The following VTI1B variants were observed in gnomAD, a reference collection of about 807,000 sequenced individuals.
VTI1B encodes the protein vesicle transport through interaction with t-SNAREs homolog 1B.
A neutral mutation model predicts 28.6 loss-of-function variants in VTI1B; 18 were observed. The ratio of observed to expected loss-of-function variants is 0.63; its 90% CI spans 0.43 to 0.93. The LOEUF (loss-of-function observed/expected upper bound fraction) is 0.93, where lower values mean the gene tolerates loss of function less well. VTI1B is among the 40% of genes least tolerant of loss of function. The pLI is 0.00. For missense variants in VTI1B, 283 were observed against 297.0 expected, an observed-to-expected ratio of 0.95 and a Z score of 0.35; for synonymous variants, 100 against 107.9, an observed-to-expected ratio of 0.93 and a Z score of 0.46.
Position 67,651,284 on chromosome 14 carries a change from C to T in VTI1B, c.*101G>A. The T allele has an allele frequency of 1.3e-6, 2 of 1,597,898 alleles. No homozygotes were observed. The highest frequency in any genetic ancestry group is 1.7e-6 in the Non-Finnish European group (2 of 1,172,392). The stretch of plus-strand genomic sequence containing the variant: ...CCTGGCTATACAGTGCATCCTTGAA[C>T]TGTCAGCCCACAGCAGCAATATGCT... On this transcript the variant is annotated 3_prime_UTR_variant, in exon 6 of 6. Transcript: ENST00000554659.
rs776001912 is a variant in VTI1B at position 67,674,340 on chromosome 14, T to TGCGCTCCCCACGGCGTG, written c.115+18_115+34dup. 23 of 1,543,114 alleles carry TGCGCTCCCCACGGCGTG rather than the reference T, an allele frequency of 1.5e-5. No individual in the cohort carries two copies. In the East Asian group the frequency reaches 5.0e-4, roughly 34 times the overall value. On this transcript the variant is annotated intron_variant, in intron 1 of 5. Transcript: ENST00000554659. ...ATCTTCCTTCCAAAGCGCGCAGGGCTGCGCTCCCCACGGCGTGGCCCACCC... is the reference window on the plus strand; with the variant it reads ...ATCTTCCTTCCAAAGCGCGCAGGGCTGCGCTCCCCACGGCGTGGCGCTCCCCACGGCGTGGCCCACCC...
At position 67,674,589 on chromosome 14, in the gene VTI1B, C is replaced by T. The variant is rs2037511367; in HGVS notation, c.-100G>A. ...CCCAGCCCAGTGGCCATAACGGCGACCGCCGCACCACCGCCGCCCAGGACG... is the reference window on the plus strand; with the variant it reads ...CCCAGCCCAGTGGCCATAACGGCGATCGCCGCACCACCGCCGCCCAGGACG... On this transcript the variant is annotated 5_prime_UTR_variant, in exon 1 of 6. Coordinates refer to ENST00000554659, the MANE Select transcript of VTI1B (RefSeq NM_006370.3). 4.1e-6 allele frequency: 4 copies of T among 976,728 alleles called. No homozygotes were observed. The highest frequency in any genetic ancestry group is 5.6e-6 in the Non-Finnish European group (4 of 712,382). The allele number at this position is 976,728 out of a possible 1,614,324, so 60.5% of individuals were successfully genotyped here. A position where few individuals can be genotyped will look rare whatever the true frequency, so the allele number is the denominator to read the frequency against.
chr14:67,670,206 C>T lies in VTI1B; in HGVS notation c.115+4169G>A, dbSNP rs375881240. ...CTTGTCCTGTCTAGCCATTAATGCC[C>T]TCCTTCTAAAAGAAAATCCACATCA... is the stretch of plus-strand genomic sequence containing the variant. On this transcript the variant is annotated intron_variant, in intron 1 of 5. Transcript: ENST00000554659. Among the ~76,000 whole-genome samples, 46 of 152,334 alleles carry T rather than the reference C, an allele frequency of 3.0e-4. 1 individual carries two copies. The highest frequency in any genetic ancestry group is 1.1e-3 in the African/African-American group (45 of 41,572).
chr14:67,670,124 G>T (rs1374325617), intron 1 of VTI1B, among the ~76,000 whole-genome samples: 1 of 152,130 alleles, frequency 6.6e-6, no homozygotes, highest in East Asian at 1.9e-4. Flanking sequence ...CGTTAGCAAG[G>T]TGACTGCCCA....
chr14:67,661,635 T>C lies in VTI1B; in HGVS notation c.174+842A>G, dbSNP rs2037336449. Among the ~76,000 whole-genome samples, 9 of 149,336 alleles carry C rather than the reference T, an allele frequency of 6.0e-5. No homozygotes were observed. In the South Asian group the frequency reaches 1.9e-3, roughly 32 times the overall value. On this transcript the variant is annotated intron_variant, in intron 2 of 5. Coordinates refer to ENST00000554659, the MANE Select transcript of VTI1B (RefSeq NM_006370.3). ...ACATGCTTGACCTCCCAGGCTGAAG[T>C]GATCTCCCACCTCAGCCTCCTGAGT... is the stretch of plus-strand genomic sequence containing the variant.
In VTI1B at chr14:67,651,072, T is replaced by G. The variant is rs944192063; in HGVS notation, c.*313A>C. On this transcript the variant is annotated 3_prime_UTR_variant, in exon 6 of 6. Coordinates refer to ENST00000554659, the MANE Select transcript of VTI1B (RefSeq NM_006370.3). Reference sequence around the variant, plus strand: ...CAATTGTAAAGTTTCCCCTCTATTTTGGTGACCAATACTACTGTAAATGTA... The same window carrying G: ...CAATTGTAAAGTTTCCCCTCTATTTGGGTGACCAATACTACTGTAAATGTA... 7.0e-6 allele frequency: 7 copies of G among 1,000,414 alleles called. No individual in the cohort carries two copies. The highest frequency in any genetic ancestry group is 8.8e-6 in the Non-Finnish European group (6 of 681,756). The allele number at this position is 1,000,414 out of a possible 1,614,324, so 62.0% of individuals were successfully genotyped here.
chr14:67,660,317 GC>G (rs1328679053), intron 2 of VTI1B: 1 of 156,570 alleles, frequency 6.4e-6, no homozygotes, highest in African/African-American at 2.4e-5. Flanking sequence ...AGGCACAGTG[GC>G]TCAAACCTGT....
At chr14:67,654,752 G>A (rs564435714) in intron 4 of VTI1B, among the ~76,000 whole-genome samples, 63 of 152,126 alleles carry the variant, frequency 4.1e-4, no homozygotes, top group African/African-American at 1.2e-3. Flanking sequence ...AATTTTGCCC[G>A]GGCGCAGTGG....
chr14:67,674,288 G>A (rs775264470), intron 1 of VTI1B, 87 bp downstream of exon 1: 6 of 1,266,416 alleles, frequency 4.7e-6, no homozygotes, highest in Non-Finnish European at 6.3e-6. Flanking sequence ...GGAGACGCGG[G>A]CCCGGGTCTG....
At chr14:67,658,603 A>C (rs563066177) in intron 3 of VTI1B, among the ~76,000 whole-genome samples, 1 of 152,288 alleles carries the variant, frequency 6.6e-6, no homozygotes, top group South Asian at 2.1e-4. Flanking sequence ...TCTCAAAAAA[A>C]ATAATAATAA....
At position 67,650,535 on chromosome 14, in the gene VTI1B, TTTAAC is replaced by T; in HGVS notation, c.*845_*849del. The T allele has an allele frequency of 1.6e-6, 1 of 612,730 alleles. No individual in the cohort carries two copies. The highest frequency in any genetic ancestry group is 2.9e-6 in the Non-Finnish European group (1 of 344,764). 38.0% of individuals were successfully genotyped at this position (612,730 alleles called of 1,614,324 possible). A position where few individuals can be genotyped will look rare whatever the true frequency, so the allele number is the denominator to read the frequency against. On this transcript the variant is annotated 3_prime_UTR_variant, in exon 6 of 6. Coordinates refer to ENST00000554659, the MANE Select transcript of VTI1B (RefSeq NM_006370.3). The stretch of plus-strand genomic sequence containing the variant: ...TTAATCTACTATAGCACAACAGTGT[TTTAAC>T]TTAAATTCATGGCCAAGAGGATGAG...
Position 67,651,346 on chromosome 14 carries a change from G to A in VTI1B, c.*39C>T, listed in dbSNP as rs759327698. 6.2e-7 allele frequency: 1 copy of A among 1,612,360 alleles called. No individual in the cohort carries two copies. The highest frequency in any genetic ancestry group is 1.1e-5 in the South Asian group (1 of 90,916). ...CATCCCTAACATCATGCATTCACAA[G>A]GTCAAAGTTCTGGTCCACAAACCCT... On this transcript the variant is annotated 3_prime_UTR_variant, in exon 6 of 6. Coordinates refer to ENST00000554659, the MANE Select transcript of VTI1B (RefSeq NM_006370.3).
chr14:67,671,829 C>A (rs2037468414), intron 1 of VTI1B, among the ~76,000 whole-genome samples: 1 of 152,132 alleles, frequency 6.6e-6, no homozygotes, highest in Admixed American at 6.5e-5. Context: ...AGCAGGCAAG[C>A]AAGAGAGGGC....
rs148091343 is a variant in VTI1B at position 67,654,921 on chromosome 14, C to T, written c.541-1423G>A. ...GCAGACGCCTGTAGTCCCAGCTACT[C>T]GGGAGGCCGAGGCAGGAGAATGGCA... On this transcript the variant is annotated intron_variant, in intron 4 of 5. Coordinates refer to ENST00000554659, the MANE Select transcript of VTI1B (RefSeq NM_006370.3). Among the ~76,000 whole-genome samples, 742 of 144,820 alleles carry T rather than the reference C, an allele frequency of 5.1e-3. 9 individuals carry two copies. The highest frequency in any genetic ancestry group is 0.018 in the African/African-American group (686 of 39,104).
At chr14:67,672,447 CTTTT>C (rs764198286) in intron 1 of VTI1B, among the ~76,000 whole-genome samples, 3 of 116,846 alleles carry the variant, frequency 2.6e-5, no homozygotes, top group Middle Eastern at 4.3e-3. Context: ...CTTTTCTTTT[CTTTT>C]TTTTTTTTTT....
intron 1 of VTI1B, among the ~76,000 whole-genome samples, chr14:67,668,933 G>A (rs2037434563): frequency 6.6e-6 from 1 of 152,032 alleles, no homozygotes; most frequent in African/African-American, 2.4e-5. Context: ...TGTCTAATAT[G>A]TCAGAAAATA....
rs1367525349 is a variant in VTI1B at position 67,659,928 on chromosome 14, A to C, written c.175-6T>G. ...TCCTCCTCCATCTCTGCCAGCTGGGAAGGCAGAAAGTAGTGAGCAGATAGC... is the reference window on the plus strand; with the variant it reads ...TCCTCCTCCATCTCTGCCAGCTGGGCAGGCAGAAAGTAGTGAGCAGATAGC... On this transcript the variant is annotated splice_region_variant and splice_polypyrimidine_tract_variant and intron_variant, in intron 2 of 5. Coordinates refer to ENST00000554659, the MANE Select transcript of VTI1B (RefSeq NM_006370.3). 5.0e-6 allele frequency: 8 copies of C among 1,611,900 alleles called. No homozygotes were observed. Among genetic ancestry groups the C allele is most frequent in the Non-Finnish European group, 6.8e-6 (8 of 1,178,654 alleles).
At chr14:67,655,323 T>A (rs948286576) in intron 4 of VTI1B, among the ~76,000 whole-genome samples, 3 of 152,082 alleles carry the variant, frequency 2.0e-5, no homozygotes, top group African/African-American at 7.2e-5. Context: ...CAAGACCCTG[T>A]CTCTAAAAAA....
intron 3 of VTI1B, among the ~76,000 whole-genome samples, chr14:67,657,678 T>C (rs2037279490): frequency 6.6e-6 from 1 of 151,540 alleles, no homozygotes; most frequent in Admixed American, 6.6e-5. Context: ...AAGTGACCAC[T>C]GGCAGTAGGA....
Sources: allele counts gnomAD v4.1 joint callset (sites outside exome capture counted in the v4.1 genomes callset), GRCh38; gene constraint gnomAD v4.1.1; transcripts MANE v1.5; gene names NCBI Gene and HGNC (gene_info 2026-07-23, HGNC 2026-07-21).